Variants in RUNX1 observed in about 807,000 individuals in gnomAD.
RUNX1 encodes RUNX family transcription factor 1.
In RUNX1, 19 loss-of-function variants were observed where a neutral mutation model predicts 42.8. That is an observed-to-expected ratio of 0.44 (90% CI 0.31 to 0.65). The LOEUF is 0.65. Among genes scored for constraint, RUNX1 ranks in the 30% least tolerant of loss-of-function variants. The pLI, the probability that RUNX1 is intolerant of heterozygous loss-of-function variation, is 0.07. For missense variants in RUNX1, 528 were observed against 672.0 expected (o/e 0.79, Z 2.37); for synonymous variants, 271 against 289.4 (o/e 0.94, Z 0.64).
In RUNX1 at chr21:34,849,358, A is replaced by AAT. The variant is rs2057373166; in HGVS notation, c.613+10114_613+10115dup. Among the ~76,000 whole-genome samples, 6 of 41,552 alleles carry AAT rather than the reference A, an allele frequency of 1.4e-4. 1 individual carries two copies. In the Admixed American group the frequency reaches 3.1e-3, roughly 21 times the overall value. The allele number at this position is 41,552 out of a possible 152,430, so 27.3% of individuals were successfully genotyped here. A position where few individuals can be genotyped will look rare whatever the true frequency, so the allele number is the denominator to read the frequency against. ...TATATATATTATATATAGTATATAT[A>AAT]ATATATTATATATACTATATACATA... On this transcript the variant is annotated intron_variant, in intron 6 of 8. Coordinates refer to ENST00000675419, the MANE Select transcript of RUNX1 (RefSeq NM_001754.5).
At chr21:34,989,077 C>A (rs1268242688) in intron 2 of RUNX1, among the ~76,000 whole-genome samples, 1 of 151,690 alleles carries the variant, frequency 6.6e-6, no homozygotes, top group Non-Finnish European at 1.5e-5. Flanking sequence ...GGCATGATCT[C>A]AGCTCACTGC....
chr21:34,826,098 T>G (rs1190787238), intron 7 of RUNX1, among the ~76,000 whole-genome samples: 1 of 152,232 alleles, frequency 6.6e-6, no homozygotes, highest in African/African-American at 2.4e-5. Flanking sequence ...CACAGGAAAC[T>G]AATATACTTG....
At chr21:34,925,326 C>T (rs2058385061) in intron 2 of RUNX1, among the ~76,000 whole-genome samples, 1 of 152,190 alleles carries the variant, frequency 6.6e-6, no homozygotes, top group East Asian at 1.9e-4. Context: ...TGTTGAAGTC[C>T]TAATCTCTGG....
At chr21:34,977,260 C>T (rs1392934224) in intron 2 of RUNX1, among the ~76,000 whole-genome samples, 2 of 152,262 alleles carry the variant, frequency 1.3e-5, no homozygotes, top group East Asian at 3.9e-4. Flanking sequence ...ACCCAAAGAT[C>T]GATGGCTCAT....
chr21:34,897,980 AAC>A (rs2146474543), intron 2 of RUNX1, among the ~76,000 whole-genome samples: 1 of 152,302 alleles, frequency 6.6e-6, no homozygotes, highest in East Asian at 1.9e-4. Context: ...GACCATTACA[AAC>A]ACAGTGTTTT....
intron 7 of RUNX1, among the ~76,000 whole-genome samples, chr21:34,831,716 C>T (rs931413608): frequency 9.2e-5 from 14 of 152,118 alleles, no homozygotes; most frequent in Non-Finnish European, 1.5e-4. Flanking sequence ...AAAGTATCTT[C>T]GTAAATATAA....
chr21:34,812,037 T>G (rs1244351569), intron 7 of RUNX1, among the ~76,000 whole-genome samples: 1 of 151,622 alleles, frequency 6.6e-6, no homozygotes, highest in East Asian at 1.9e-4. Flanking sequence ...CTCTATTTTT[T>G]GAAATTTCTT....
chr21:34,808,753 G>A (rs2056718345), intron 7 of RUNX1, among the ~76,000 whole-genome samples: 1 of 152,204 alleles, frequency 6.6e-6, no homozygotes, highest in African/African-American at 2.4e-5. Flanking sequence ...GCACCACGAG[G>A]CTGCTACCCT....
intron 2 of RUNX1, among the ~76,000 whole-genome samples, chr21:35,045,165 G>T (rs574688184): frequency 6.6e-6 from 1 of 152,184 alleles, no homozygotes; most frequent in Non-Finnish European, 1.5e-5. Context: ...AATGGCAAAG[G>T]CATGATTGTG....
intron 4 of RUNX1, among the ~76,000 whole-genome samples, chr21:34,885,397 A>T (rs1454424519): frequency 6.6e-6 from 1 of 152,216 alleles, no homozygotes; most frequent in Admixed American, 6.5e-5. Flanking sequence ...TCCCAAACCC[A>T]AATCTAAGTA....
rs78132415 is a variant in RUNX1, at chr21:34,942,148, G to C, written c.59-49185C>G. ...GGATATTTAGAAATCATTCCCCGAG[G>C]TTCCGCCTATGTTGGAGTGAGCCTG... On this transcript the variant is annotated intron_variant, in intron 2 of 8. Coordinates refer to ENST00000675419, the MANE Select transcript of RUNX1 (RefSeq NM_001754.5). 5.4e-3 allele frequency among the ~76,000 whole-genome samples: 827 copies of C among 152,212 alleles called. 5 individuals are homozygous for C. Among genetic ancestry groups the C allele is most frequent in the African/African-American group, 0.019 (787 of 41,532 alleles).
chr21:34,974,096 A>C (rs538233288), intron 2 of RUNX1, among the ~76,000 whole-genome samples: 1 of 152,320 alleles, frequency 6.6e-6, no homozygotes, highest in Non-Finnish European at 1.5e-5. Context: ...GGCTTTTCAA[A>C]AATTTTCTTC....
chr21:34,862,750 G>T (rs1003574), intron 5 of RUNX1, among the ~76,000 whole-genome samples: 64,032 of 152,020 alleles, frequency 0.42, 16,004 homozygotes, highest in East Asian at 0.87. Flanking sequence ...CACCTGTAAA[G>T]ACCTTAAGCC....
intron 2 of RUNX1, among the ~76,000 whole-genome samples, chr21:34,900,825 TA>T (rs2146485266): frequency 6.6e-6 from 1 of 152,332 alleles, no homozygotes; most frequent in East Asian, 1.9e-4. Context: ...TTTTTAAATA[TA>T]AGCATTATGG....
At chr21:34,847,540 A>G (rs900853230) in intron 6 of RUNX1, among the ~76,000 whole-genome samples, 2 of 152,178 alleles carry the variant, frequency 1.3e-5, no homozygotes, top group African/African-American at 4.8e-5. Context: ...CAGACTACTT[A>G]AAAAGCACAT....
intron 2 of RUNX1, among the ~76,000 whole-genome samples, chr21:35,008,047 T>C (rs2834727): frequency 0.17 from 26,240 of 152,160 alleles, 2,610 homozygotes; most frequent in African/African-American, 0.27. Flanking sequence ...ACACATGCTG[T>C]ACCTTTTTAG....
At chr21:34,967,218 G>A (rs1174341845) in intron 2 of RUNX1, among the ~76,000 whole-genome samples, 2 of 148,688 alleles carry the variant, frequency 1.3e-5, no homozygotes, top group Non-Finnish European at 3.0e-5. Context: ...TACTTGGGAG[G>A]CTGAGGGAGG....
chr21:35,012,752 ACTTGC>A (rs1270943956), intron 2 of RUNX1, among the ~76,000 whole-genome samples: 2 of 152,184 alleles, frequency 1.3e-5, no homozygotes, highest in South Asian at 2.1e-4. Context: ...GAATGATTAC[ACTTGC>A]TGTCACAGCA....
At chr21:34,960,147 C>T (rs893525587) in intron 2 of RUNX1, among the ~76,000 whole-genome samples, 2 of 152,096 alleles carry the variant, frequency 1.3e-5, no homozygotes, top group Non-Finnish European at 2.9e-5. Flanking sequence ...TGGGAATTTC[C>T]AGGAACACAG....
Sources: allele counts gnomAD v4.1 joint callset (sites outside exome capture counted in the v4.1 genomes callset), GRCh38; gene constraint gnomAD v4.1.1; transcripts MANE v1.5; gene names NCBI Gene and HGNC (gene_info 2026-07-23, HGNC 2026-07-21).